Variants in DNASE1 observed in about 807,000 individuals in gnomAD.
The protein encoded by DNASE1 is deoxyribonuclease-1.
A neutral mutation model predicts 33.9 loss-of-function variants in DNASE1; 40 were observed. That is an observed-to-expected ratio of 1.18 (90% CI 0.92 to 1.54). DNASE1 has a LOEUF of 1.54. Among genes scored for constraint, DNASE1 ranks in the 40% most tolerant of loss-of-function variants. DNASE1 has a pLI of 0.00. For synonymous variants in DNASE1, 216 were observed against 160.0 expected, an observed-to-expected ratio of 1.35 and a Z score of -2.64; for missense variants, 518 against 372.6, an observed-to-expected ratio of 1.39 and a Z score of -3.21.
intron 7 of DNASE1, 34 bp from the exon 8 acceptor site, chr16:3,657,686 G>A (rs2042775049): frequency 1.2e-6 from 2 of 1,612,626 alleles, no homozygotes; most frequent in African/African-American, 1.3e-5. Flanking sequence ...ATGTGTGAAA[G>A]GGGAACCTAC....
At chr16:3,648,506 G>C (rs1006909889) in intron 1 of DNASE1, among the ~76,000 whole-genome samples, 2 of 152,098 alleles carry the variant, frequency 1.3e-5, no homozygotes. Flanking sequence ...AGCTTGCAGA[G>C]AATGGTGTGA....
At chr16:3,634,951 C>T (rs1199130115) in intron 1 of DNASE1, among the ~76,000 whole-genome samples, 1 of 152,106 alleles carries the variant, frequency 6.6e-6, no homozygotes, top group African/African-American at 2.4e-5. Context: ...TGGGCTTATT[C>T]ACCCCTCCTT....
rs1440611066 is a variant in DNASE1, at chr16:3,654,723, A to G, written c.-323A>G. On this transcript the variant is annotated 5_prime_UTR_variant, in exon 1 of 9. Coordinates refer to ENST00000246949, the MANE Select transcript of DNASE1 (RefSeq NM_005223.4). Reference sequence around the variant, plus strand: ...TTACAGCAGCAAGAAACCTGTGCTTACAGAAAGAAACACGTGCTAGCAACC... The same window carrying G: ...TTACAGCAGCAAGAAACCTGTGCTTGCAGAAAGAAACACGTGCTAGCAACC... 1 of 399,136 alleles carries G rather than the reference A, an allele frequency of 2.5e-6. No individual in the cohort carries two copies. Among genetic ancestry groups the G allele is most frequent in the African/African-American group, 2.1e-5 (1 of 48,546 alleles). The allele number at this position is 399,136 out of a possible 1,614,324, so 24.7% of individuals were successfully genotyped here.
At chr16:3,662,305 G>T, downstream of DNASE1, 2 of 771,604 alleles carry the variant, frequency 2.6e-6, no homozygotes, top group Non-Finnish European at 2.0e-6. Flanking sequence ...TGGGCCCTGA[G>T]CTGATGCCCC....
intron 1 of DNASE1, among the ~76,000 whole-genome samples, chr16:3,628,907 C>G (rs2041610118): frequency 6.8e-6 from 1 of 145,986 alleles, no homozygotes; most frequent in Non-Finnish European, 1.5e-5. Context: ...CGCAGTGGCT[C>G]ACGCCGGTAA....
chr16:3,664,803 C>A lies in DNASE1; in HGVS notation c.*6850C>A, dbSNP rs1596698111. 1.6e-5 allele frequency: 4 copies of A among 249,476 alleles called. No homozygotes were observed. In the East Asian group the frequency reaches 4.7e-4, roughly 30 times the overall value. 15.5% of individuals were successfully genotyped at this position (249,476 alleles called of 1,614,324 possible). A position where few individuals can be genotyped will look rare whatever the true frequency, so the allele number is the denominator to read the frequency against. On this transcript the variant is annotated 3_prime_UTR_variant, in exon 10 of 10. Transcript: ENST00000407479. ...CTCTGCCCTCAGTGACAGAGTCAGT[C>A]TCTGGTGGGCACACGGACACGGGTG...
intron 1 of DNASE1, among the ~76,000 whole-genome samples, chr16:3,616,690 C>T (rs1464430755): frequency 6.6e-6 from 1 of 151,004 alleles, no homozygotes; most frequent in Non-Finnish European, 1.5e-5. Flanking sequence ...ATACCCAAAA[C>T]CCAAATAGCC....
intron 4 of DNASE1, 46 bp from the exon 5 acceptor site, chr16:3,656,592 C>T (rs1185496096): frequency 3.9e-6 from 6 of 1,525,840 alleles, no homozygotes; most frequent in African/African-American, 1.4e-5. Flanking sequence ...AGGAGTGGGG[C>T]AGCTTCCAGC....
At chr16:3,636,506 C>T (rs963313894) in intron 1 of DNASE1, among the ~76,000 whole-genome samples, 2 of 152,042 alleles carry the variant, frequency 1.3e-5, no homozygotes, top group African/African-American at 2.4e-5. Flanking sequence ...TGTTGAAAAC[C>T]GGACTTGATG....
chr16:3,615,789 T>C (rs1298520923), intron 1 of DNASE1, among the ~76,000 whole-genome samples: 8 of 152,212 alleles, frequency 5.3e-5, no homozygotes, highest in Non-Finnish European at 7.4e-5. Context: ...ATCACGTCCT[T>C]ACCCTCCTGG....
exon 10 of DNASE1, chr16:3,663,579 G>A (rs758163043): frequency 6.8e-6 from 11 of 1,613,286 alleles, no homozygotes; most frequent in Non-Finnish European, 9.3e-6. Flanking sequence ...GTGGCCAAGA[G>A]CAGCTCCATC....
chr16:3,634,938 A>G (rs2041822997), intron 1 of DNASE1, among the ~76,000 whole-genome samples: 2 of 152,026 alleles, frequency 1.3e-5, no homozygotes, highest in South Asian at 4.1e-4. Flanking sequence ...TTCATTTCTG[A>G]CCTGGGCTTA....
upstream of DNASE1, chr16:3,650,655 TTAAA>T (rs1223209489): frequency 6.6e-6 from 1 of 151,344 alleles, no homozygotes; most frequent in Non-Finnish European, 1.5e-5. Flanking sequence ...GTTCCATTTA[TTAAA>T]TAAGTAAACC....
chr16:3,656,250 G>GTAGTTTGTCCTAT, intron 4 of DNASE1, 65 bp downstream of exon 4: 6 of 1,537,556 alleles, frequency 3.9e-6, no homozygotes, highest in Non-Finnish European at 5.4e-6. Context: ...GAGCAGGGAA[G>GTAGTTTGTCCTAT]TAGTTTGTCC....
chr16:3,617,353 A>AAAAAAAAAAAAAAG, intron 1 of DNASE1, among the ~76,000 whole-genome samples: 1 of 147,920 alleles, frequency 6.8e-6, no homozygotes. Flanking sequence ...AAAAAAAAAA[A>AAAAAAAAAAAAAAG]GAATACTACA....
At chr16:3,663,094 A>C, downstream of DNASE1, 1 of 753,946 alleles carries the variant, frequency 1.3e-6, no homozygotes, top group Non-Finnish European at 2.1e-6. Flanking sequence ...AGCTAGCAAG[A>C]TGCTTTTCAT....
intron 1 of DNASE1, among the ~76,000 whole-genome samples, chr16:3,645,951 C>T (rs904316346): frequency 2.0e-5 from 3 of 152,178 alleles, no homozygotes; most frequent in Admixed American, 6.5e-5. Flanking sequence ...TGGCCTTTTA[C>T]CTGAGTACAG....
chr16:3,639,808 T>A (rs1350987123), upstream of DNASE1, among the ~76,000 whole-genome samples: 1 of 152,206 alleles, frequency 6.6e-6, no homozygotes, highest in Non-Finnish European at 1.5e-5. Context: ...ATGCCTGTAA[T>A]CCCAGCACTT....
chr16:3,659,836 G>A (rs1490229021), downstream of DNASE1: 2 of 151,976 alleles, frequency 1.3e-5, no homozygotes, highest in Non-Finnish European at 2.9e-5. Flanking sequence ...GCTCACCGCA[G>A]CCTCCTGGTT....
Sources: gnomAD v4.1 joint callset for allele counts (sites outside exome capture counted in the v4.1 genomes callset) on GRCh38, gnomAD v4.1.1 for gene constraint, MANE v1.5 for transcripts, NCBI Gene and HGNC (gene_info 2026-07-23, HGNC 2026-07-21) for gene names.